Variants in SORCS1 observed in about 807,000 individuals in gnomAD.
The protein encoded by SORCS1 is sortilin related VPS10 domain containing receptor 1.
SORCS1 carries 60 observed loss-of-function variants against 146.1 expected under a neutral mutation model. The observed-to-expected ratio is 0.41, with a 90% CI of 0.33 to 0.51. The LOEUF is 0.51. Among genes scored for constraint, SORCS1 ranks in the 20% least tolerant of loss-of-function variants. The pLI, the probability that SORCS1 is intolerant of heterozygous loss-of-function variation, is 0.21. For synonymous variants in SORCS1, 637 were observed against 584.0 expected, an observed-to-expected ratio of 1.09 and a Z score of -1.31; for missense variants, 1,352 against 1,487.6, an observed-to-expected ratio of 0.91 and a Z score of 1.50.
chr10:106,870,326 G>A (rs1950360026), intron 2 of SORCS1, among the ~76,000 whole-genome samples: 1 of 152,032 alleles, frequency 6.6e-6, no homozygotes, highest in Non-Finnish European at 1.5e-5. Flanking sequence ...ACTCTTCATA[G>A]AAAAAACTAT....
chr10:107,025,962 T>C (rs542636577), intron 1 of SORCS1, among the ~76,000 whole-genome samples: 1 of 152,264 alleles, frequency 6.6e-6, no homozygotes, highest in African/African-American at 2.4e-5. Context: ...CCTTGAGAGC[T>C]ACATCAGCCT....
At chr10:107,038,253 G>A (rs1351535619) in intron 1 of SORCS1, among the ~76,000 whole-genome samples, 3 of 152,118 alleles carry the variant, frequency 2.0e-5, no homozygotes, top group African/African-American at 4.8e-5. Flanking sequence ...TGGGGAAAAC[G>A]AAAAGAAAAA....
intron 1 of SORCS1, among the ~76,000 whole-genome samples, chr10:107,039,813 T>A (rs1451613366): frequency 6.6e-6 from 1 of 152,176 alleles, no homozygotes; most frequent in Non-Finnish European, 1.5e-5. Context: ...ATAAGGCTAC[T>A]TACTAACAAC....
chr10:107,146,503 A>C (rs183687574), intron 1 of SORCS1, among the ~76,000 whole-genome samples: 1 of 152,272 alleles, frequency 6.6e-6, no homozygotes, highest in East Asian at 1.9e-4. Context: ...CCATGCTCTT[A>C]GCTTATGGAG....
In SORCS1 at chr10:106,656,334, A is replaced by G. The variant is rs576185904; in HGVS notation, c.2304-3781T>C. Among the ~76,000 whole-genome samples, 3 of 152,268 alleles carry G rather than the reference A, an allele frequency of 2.0e-5. No individual in the cohort carries two copies. The East Asian group carries it at 5.8e-4, about 29-fold the overall frequency. ...GGGAGGCCGAGGTGAGCAGATCATG[A>G]GGTCAGGAGATCGAGACCATCCTGG... On this transcript the variant is annotated intron_variant, in intron 17 of 25. Coordinates refer to ENST00000263054, the MANE Select transcript of SORCS1 (RefSeq NM_052918.5).
chr10:107,123,434 G>A (rs977360665), intron 1 of SORCS1, among the ~76,000 whole-genome samples: 1 of 152,318 alleles, frequency 6.6e-6, no homozygotes, highest in East Asian at 1.9e-4. Context: ...TGGATAGATG[G>A]AAAGTCACAA....
rs562070605 is a variant in SORCS1, at chr10:106,762,213, T to C, written c.886-552A>G. ...ATGACAGCATTCAAATGGACAAAAA[T>C]AGCATTATTCACAAAAGGAACAACA... On this transcript the variant is annotated intron_variant, in intron 4 of 25. Coordinates refer to ENST00000263054, the MANE Select transcript of SORCS1 (RefSeq NM_052918.5). 3.6e-4 allele frequency among the ~76,000 whole-genome samples: 55 copies of C among 151,930 alleles called. 2 individuals carry two copies. In the South Asian group the frequency reaches 0.011, roughly 29 times the overall value.
intron 4 of SORCS1, among the ~76,000 whole-genome samples, chr10:106,775,358 C>A (rs73363678): frequency 0.011 from 1,722 of 151,822 alleles, 42 homozygotes; most frequent in African/African-American, 0.04. Context: ...GGTAGCCAGG[C>A]TGCTCAACAG....
At chr10:106,709,872 C>T (rs1307478646) in intron 6 of SORCS1, among the ~76,000 whole-genome samples, 1 of 152,188 alleles carries the variant, frequency 6.6e-6, no homozygotes, top group Non-Finnish European at 1.5e-5. Context: ...CCTACATCAT[C>T]TCCTGGTGCT....
chr10:106,728,232 A>T (rs1330762476), intron 6 of SORCS1, among the ~76,000 whole-genome samples: 1 of 152,106 alleles, frequency 6.6e-6, no homozygotes, highest in African/African-American at 2.4e-5. Context: ...GGGTCTCACC[A>T]TGTTGGCCAG....
chr10:107,000,365 C>T (rs1957168324), intron 1 of SORCS1, among the ~76,000 whole-genome samples: 1 of 151,558 alleles, frequency 6.6e-6, no homozygotes, highest in South Asian at 2.1e-4. Flanking sequence ...TTTGGGACGC[C>T]GAGGCGTGTG....
At chr10:106,678,185 C>T (rs894057842) in intron 12 of SORCS1, among the ~76,000 whole-genome samples, 3 of 152,156 alleles carry the variant, frequency 2.0e-5, no homozygotes, top group African/African-American at 7.2e-5. Flanking sequence ...ATTTCTTATA[C>T]CCAAGATGCA....
chr10:106,726,359 C>CAAAAAAAAAAA (rs60801871), intron 6 of SORCS1, among the ~76,000 whole-genome samples: 1 of 43,582 alleles, frequency 2.3e-5, no homozygotes, highest in African/African-American at 9.6e-5. Flanking sequence ...GCTGCCTTCG[C>CAAAAAAAAAAA]AAAAAAAAAA....
At chr10:107,032,944 G>C (rs1240159218) in intron 1 of SORCS1, among the ~76,000 whole-genome samples, 1 of 152,132 alleles carries the variant, frequency 6.6e-6, no homozygotes, top group Non-Finnish European at 1.5e-5. Flanking sequence ...AAATCTGCCT[G>C]TACAACGAGC....
At chr10:107,057,039 C>T (rs565277202) in intron 1 of SORCS1, among the ~76,000 whole-genome samples, 1 of 152,298 alleles carries the variant, frequency 6.6e-6, no homozygotes, top group African/African-American at 2.4e-5. Context: ...TCCTCAATTG[C>T]TTGACCACTG....
At chr10:107,082,068 T>C (rs980815990) in intron 1 of SORCS1, among the ~76,000 whole-genome samples, 10 of 152,268 alleles carry the variant, frequency 6.6e-5, no homozygotes, top group African/African-American at 2.4e-4. Flanking sequence ...CATTTCTTAA[T>C]TGTCCAATTT....
At chr10:106,951,084 C>T (rs1371740916) in intron 2 of SORCS1, among the ~76,000 whole-genome samples, 1 of 152,158 alleles carries the variant, frequency 6.6e-6, no homozygotes, top group Non-Finnish European at 1.5e-5. Flanking sequence ...TACATTATAT[C>T]TGTCTTATTC....
intron 6 of SORCS1, among the ~76,000 whole-genome samples, chr10:106,715,618 C>T (rs1277026492): frequency 2.0e-5 from 3 of 152,174 alleles, no homozygotes; most frequent in Admixed American, 6.5e-5. Context: ...TTGAGTCTAG[C>T]GCCAGATTAG....
At chr10:106,748,068 G>A (rs968152012) in intron 5 of SORCS1, among the ~76,000 whole-genome samples, 4 of 152,026 alleles carry the variant, frequency 2.6e-5, no homozygotes, top group African/African-American at 4.8e-5. Flanking sequence ...TTGTACATCA[G>A]TAGGTATCTT....
Sources: allele counts gnomAD v4.1 joint callset (sites outside exome capture counted in the v4.1 genomes callset), GRCh38; gene constraint gnomAD v4.1.1; transcripts MANE v1.5; gene names NCBI Gene and HGNC (gene_info 2026-07-23, HGNC 2026-07-21).